Variants in HMGCLL1 observed in about 807,000 individuals in gnomAD.
HMGCLL1 encodes 3-hydroxy-3-methylglutaryl-CoA lyase like 1.
HMGCLL1 carries 36 observed loss-of-function variants against 39.1 expected under a neutral mutation model. That is an observed-to-expected ratio of 0.92 (90% CI 0.71 to 1.22). The LOEUF (loss-of-function observed/expected upper bound fraction) is 1.22, where lower values mean the gene tolerates loss of function less well. Among genes scored for constraint, HMGCLL1 ranks in the 50% most tolerant of loss-of-function variants. The probability of loss-of-function intolerance (pLI) is 0.00; values close to 1 mark genes in which losing one functional copy is unlikely to be tolerated. For synonymous variants in HMGCLL1, 149 were observed against 144.0 expected (o/e 1.03, Z -0.25); for missense variants, 451 against 416.5 (o/e 1.08, Z -0.72).
chr6:55,519,791 T>A (rs190686917), intron 3 of HMGCLL1, among the ~76,000 whole-genome samples: 123 of 152,102 alleles, frequency 8.1e-4, no homozygotes, highest in African/African-American at 2.8e-3. Context: ...CCTAACCAAA[T>A]ACAGATTTGG....
At chr6:55,544,374 T>A (rs964578515) in intron 1 of HMGCLL1, among the ~76,000 whole-genome samples, 1 of 152,198 alleles carries the variant, frequency 6.6e-6, no homozygotes, top group Admixed American at 6.6e-5. Flanking sequence ...CTTTCCAGAC[T>A]GTACCAACAT....
At chr6:55,563,392 T>C (rs1466482417) in intron 1 of HMGCLL1, among the ~76,000 whole-genome samples, 2 of 152,156 alleles carry the variant, frequency 1.3e-5, no homozygotes, top group African/African-American at 4.8e-5. Context: ...GTGTAAGATA[T>C]GCCCAGTTTT....
chr6:55,651,237 T>C, the HMGCLL1 span, among the ~76,000 whole-genome samples: 6 of 152,122 alleles, frequency 3.9e-5, no homozygotes, highest in East Asian at 9.7e-4. Flanking sequence ...CTCAGCTCTG[T>C]AGTCAGAACG....
the HMGCLL1 span, among the ~76,000 whole-genome samples, chr6:55,677,332 T>C: frequency 6.6e-6 from 1 of 152,136 alleles, no homozygotes; most frequent in Non-Finnish European, 1.5e-5. Flanking sequence ...GAGGCTGCAG[T>C]GAGCCTTGGT....
intron 5 of HMGCLL1, among the ~76,000 whole-genome samples, chr6:55,507,620 T>C (rs9475328): frequency 0.68 from 102,380 of 151,574 alleles, 34,609 homozygotes; most frequent in Non-Finnish European, 0.7. Context: ...CAATGTAGTT[T>C]CAGAGACTTT....
intron 1 of HMGCLL1, among the ~76,000 whole-genome samples, chr6:55,562,228 A>G (rs534337234): frequency 6.5e-4 from 99 of 152,280 alleles, no homozygotes; most frequent in Non-Finnish European, 1.3e-3. Flanking sequence ...TATTAATAAG[A>G]GAATCTTCTG....
intron 7 of HMGCLL1, 28 bp downstream of exon 7, chr6:55,495,391 C>A: frequency 6.4e-7 from 1 of 1,565,244 alleles, no homozygotes; most frequent in Non-Finnish European, 8.8e-7. Flanking sequence ...CCTATGCACA[C>A]ACATAACACA....
chr6:55,479,161 C>T (rs1279819220), intron 7 of HMGCLL1, among the ~76,000 whole-genome samples: 1 of 151,376 alleles, frequency 6.6e-6, no homozygotes. Context: ...ACTATCCTCA[C>T]CAGGCTTGGG....
At chr6:55,577,013 G>T in intron 1 of HMGCLL1, 1 of 1,604,054 alleles carries the variant, frequency 6.2e-7, no homozygotes, top group Non-Finnish European at 8.5e-7. Context: ...ATCAGTGAGT[G>T]TAGATTGTCA....
At chr6:55,568,586 A>G (rs1253725166) in intron 1 of HMGCLL1, among the ~76,000 whole-genome samples, 3 of 152,184 alleles carry the variant, frequency 2.0e-5, no homozygotes, top group Non-Finnish European at 4.4e-5. Flanking sequence ...GGGCTCACCT[A>G]GGCTGATAAT....
chr6:55,640,371 C>T, the HMGCLL1 span, among the ~76,000 whole-genome samples: 1 of 152,024 alleles, frequency 6.6e-6, no homozygotes, highest in Non-Finnish European at 1.5e-5. Context: ...TAACTAGACG[C>T]TTGCCTACTA....
At chr6:55,538,874 T>A (rs1346387278) in intron 3 of HMGCLL1, among the ~76,000 whole-genome samples, 1 of 151,776 alleles carries the variant, frequency 6.6e-6, no homozygotes, top group Non-Finnish European at 1.5e-5. Flanking sequence ...GCAGTGACAA[T>A]GGGATAGAGA....
the HMGCLL1 span, among the ~76,000 whole-genome samples, chr6:55,647,746 T>C: frequency 6.8e-3 from 522 of 76,730 alleles, 2 homozygotes; most frequent in South Asian, 0.021. Context: ...TTTTTTTTCC[T>C]TTTTTTTTTT....
chr6:55,468,358 A>G (rs567478913), intron 7 of HMGCLL1, among the ~76,000 whole-genome samples: 13 of 152,142 alleles, frequency 8.5e-5, no homozygotes, highest in African/African-American at 3.1e-4. Context: ...ACAATGCCTT[A>G]TGGAAGGTGC....
intron 7 of HMGCLL1, among the ~76,000 whole-genome samples, chr6:55,441,859 T>G (rs1763611194): frequency 6.6e-6 from 1 of 152,066 alleles, no homozygotes. Flanking sequence ...CCTGGCTAAT[T>G]TTTGTGTTTT....
the HMGCLL1 span, among the ~76,000 whole-genome samples, chr6:55,594,578 C>T: frequency 6.6e-6 from 1 of 152,168 alleles, no homozygotes; most frequent in African/African-American, 2.4e-5. Flanking sequence ...TCTTTCTTTA[C>T]TTGATCATTT....
chr6:55,479,535 A>T (rs886967388), intron 7 of HMGCLL1, among the ~76,000 whole-genome samples: 2 of 151,478 alleles, frequency 1.3e-5, no homozygotes, highest in African/African-American at 4.9e-5. Context: ...TACCTTTTTC[A>T]TTTATGTAAT....
At chr6:55,520,282 GAAAA>G (rs948258129) in intron 3 of HMGCLL1, among the ~76,000 whole-genome samples, 6 of 135,556 alleles carry the variant, frequency 4.4e-5, no homozygotes, top group African/African-American at 1.7e-4. Flanking sequence ...ATAAATAAAA[GAAAA>G]AAAAGGAAAA....
At chr6:55,506,151 C>G (rs192082756) in intron 5 of HMGCLL1, among the ~76,000 whole-genome samples, 38 of 151,744 alleles carry the variant, frequency 2.5e-4, no homozygotes, top group Middle Eastern at 6.8e-3. Flanking sequence ...GCTCAGATTC[C>G]CACACTAACT....
Sources: allele counts gnomAD v4.1 joint callset (sites outside exome capture counted in the v4.1 genomes callset), GRCh38; gene constraint gnomAD v4.1.1; transcripts MANE v1.5; gene names NCBI Gene and HGNC (gene_info 2026-07-23, HGNC 2026-07-21).